The following RNF111 variants were observed in gnomAD, a reference collection of about 807,000 sequenced individuals.
RNF111 encodes ring finger protein 111.
In RNF111, 17 loss-of-function variants were observed where a neutral mutation model predicts 95.1. The ratio of observed to expected loss-of-function variants is 0.18; its 90% confidence interval spans 0.12 to 0.27. The LOEUF is 0.27. Ranked by LOEUF, RNF111 falls within the 10% of genes least tolerant of loss-of-function variation. The probability of loss-of-function intolerance (pLI) is 1.00; values close to 1 mark genes in which losing one functional copy is unlikely to be tolerated. For synonymous variants in RNF111, 440 were observed against 414.8 expected, an observed-to-expected ratio of 1.06 and a Z score of -0.74; for missense variants, 1,189 against 1,210.4, an observed-to-expected ratio of 0.98 and a Z score of 0.26.
intron 1 of RNF111, among the ~76,000 whole-genome samples, chr15:59,001,207 C>G (rs2039310361): frequency 6.6e-6 from 1 of 152,110 alleles, no homozygotes; most frequent in Admixed American, 6.6e-5. Context: ...CTAGAAACTA[C>G]TGGGGCTTTA....
At chr15:58,996,096 A>G (rs2039059851) in intron 1 of RNF111, among the ~76,000 whole-genome samples, 2 of 152,168 alleles carry the variant, frequency 1.3e-5, no homozygotes, top group South Asian at 4.1e-4. Flanking sequence ...TTCTTTTTCA[A>G]ATACATAATG....
At chr15:59,011,586 C>T (rs548247955) in intron 1 of RNF111, among the ~76,000 whole-genome samples, 2 of 152,194 alleles carry the variant, frequency 1.3e-5, no homozygotes, top group South Asian at 4.1e-4. Context: ...TTCCTGAGGC[C>T]CCTCTTCTTG....
chr15:58,995,992 T>A (rs779827011), intron 1 of RNF111, among the ~76,000 whole-genome samples: 9 of 152,176 alleles, frequency 5.9e-5, no homozygotes, highest in Non-Finnish European at 8.8e-5. Flanking sequence ...TTAAATTAGA[T>A]TTTTGATAGT....
intron 7 of RNF111, 114 bp from the exon 8 acceptor site, chr15:59,080,822 T>G (rs1262308395): frequency 2.4e-6 from 2 of 819,200 alleles, no homozygotes; most frequent in African/African-American, 1.7e-5. Flanking sequence ...CTTGATAAAG[T>G]ATTCATAAAA....
chr15:59,001,957 AATTGTGTG>A (rs1189090350), intron 1 of RNF111, among the ~76,000 whole-genome samples: 1 of 152,214 alleles, frequency 6.6e-6, no homozygotes, highest in African/African-American at 2.4e-5. Context: ...ATTTAATAAA[AATTGTGTG>A]AATGTCATCT....
At chr15:59,036,107 C>T (rs1023080748) in intron 2 of RNF111, among the ~76,000 whole-genome samples, 9 of 152,112 alleles carry the variant, frequency 5.9e-5, no homozygotes, top group Admixed American at 3.9e-4. Context: ...CAGTCTTACT[C>T]TGTGGCCCAG....
At chr15:59,005,616 C>G (rs976935119) in intron 1 of RNF111, among the ~76,000 whole-genome samples, 3 of 151,944 alleles carry the variant, frequency 2.0e-5, no homozygotes, top group Admixed American at 1.3e-4. Context: ...TTGAGGTTCA[C>G]TTGAATAAGT....
chr15:59,027,384 T>A (rs930289849), intron 1 of RNF111, among the ~76,000 whole-genome samples: 8 of 152,194 alleles, frequency 5.3e-5, no homozygotes, highest in Non-Finnish European at 8.8e-5. Context: ...TCACTTTTTT[T>A]AAACCTCTTG....
chr15:59,027,076 T>C (rs556816763), intron 1 of RNF111, among the ~76,000 whole-genome samples: 2 of 152,248 alleles, frequency 1.3e-5, no homozygotes, highest in South Asian at 4.1e-4. Context: ...ATTGCTTCTT[T>C]GTAAATTAAT....
intron 1 of RNF111, chr15:59,004,246 A>C: frequency 2.1e-6 from 1 of 466,448 alleles, no homozygotes; most frequent in Non-Finnish European, 3.2e-6. Flanking sequence ...TTCTCTCCCA[A>C]TTATCTTTAC....
intron 2 of RNF111, among the ~76,000 whole-genome samples, chr15:59,032,659 G>A (rs762906727): frequency 2.0e-5 from 3 of 152,116 alleles, no homozygotes; most frequent in South Asian, 2.1e-4. Context: ...TAGCTCAGGC[G>A]ATCCACCTGC....
chr15:59,067,113 C>A (rs774666852), intron 6 of RNF111, 30 bp downstream of exon 6: 1 of 1,563,074 alleles, frequency 6.4e-7, no homozygotes, highest in South Asian at 1.1e-5. Flanking sequence ...GTCTTTCTTT[C>A]CTGCCCCTCT....
intron 6 of RNF111, among the ~76,000 whole-genome samples, chr15:59,074,526 A>C (rs940511911): frequency 2.1e-4 from 32 of 152,292 alleles, no homozygotes; most frequent in Admixed American, 7.8e-4. Flanking sequence ...AACCTCTGCT[A>C]TCTTCAGACT....
At chr15:59,044,674 A>G (rs1441073138) in intron 2 of RNF111, among the ~76,000 whole-genome samples, 6 of 152,202 alleles carry the variant, frequency 3.9e-5, no homozygotes, top group African/African-American at 9.6e-5. Context: ...TGTCTTAGCC[A>G]TACTCGTTTT....
chr15:59,058,539 C>T lies in RNF111; in HGVS notation c.1355C>T (p.Thr452Ile). ...ATLTSNSTTG[T>I]SIGDDSRRTT... is the part of the protein sequence containing the mutation. Reference sequence around the variant, plus strand: ...CTTACAAGCAATAGTACCACTGGCACTTCTATAGGAGGTATGTAAAAAAGT... The same window carrying T: ...CTTACAAGCAATAGTACCACTGGCATTTCTATAGGAGGTATGTAAAAAAGT... The change falls in exon 5 of 14, where the codon ACT (threonine) becomes ATT (isoleucine). Residue 452 changes from threonine (T) to isoleucine (I), a missense_variant. Physicochemically the swap from Thr to Ile is moderately conservative, Grantham distance 89 (BLOSUM62 -1). Transcript: ENST00000348370. 3.1e-6 allele frequency: 5 copies of T among 1,613,826 alleles called. No individual in the cohort carries two copies. Among genetic ancestry groups the T allele is most frequent in the Non-Finnish European group, 4.2e-6 (5 of 1,179,782 alleles).
rs186249699 is a variant in RNF111 at position 59,053,845 on chromosome 15, G to A, written c.1007+1414G>A. On this transcript the variant is annotated intron_variant, in intron 3 of 13. Coordinates refer to ENST00000348370, the MANE Select transcript of RNF111 (RefSeq NM_017610.8). ...AGTGATCTTGAAAAAGACCCACAGT[G>A]TACATGACCCATTGTTATATCTCTT... 7.3e-5 allele frequency among the ~76,000 whole-genome samples: 11 copies of A among 151,536 alleles called. No individual in the cohort carries two copies. The South Asian group carries it at 1.2e-3, about 17-fold the overall frequency.
chr15:59,047,632 G>A (rs1240922335), intron 2 of RNF111, among the ~76,000 whole-genome samples: 3 of 152,000 alleles, frequency 2.0e-5, no homozygotes, highest in Non-Finnish European at 4.4e-5. Context: ...CTGGAGTGCA[G>A]TGGTGCCATC....
At chr15:59,066,574 A>G (rs1487138471) in intron 5 of RNF111, among the ~76,000 whole-genome samples, 190 bp from the exon 6 acceptor site, 1 of 151,922 alleles carries the variant, frequency 6.6e-6, no homozygotes, top group Admixed American at 6.6e-5. Flanking sequence ...GCGCCACTGC[A>G]CTCCAGCCTG....
At chr15:59,031,751 T>C (rs1216230415) in intron 2 of RNF111, 49 bp downstream of exon 2, 1 of 1,518,462 alleles carries the variant, frequency 6.6e-7, no homozygotes, top group Non-Finnish European at 8.9e-7. Context: ...GCATTGCATT[T>C]GTGCTTAATT....
Sources: allele counts gnomAD v4.1 joint callset (sites outside exome capture counted in the v4.1 genomes callset), GRCh38; gene constraint gnomAD v4.1.1; transcripts MANE v1.5; gene names NCBI Gene and HGNC (gene_info 2026-07-23, HGNC 2026-07-21).